DAB1: variants seen among roughly 807,000 people sequenced by gnomAD.
The protein encoded by DAB1 is DAB adaptor protein 1, also known as disabled homolog 1.
Under a neutral mutation model 64.6 loss-of-function variants are expected in DAB1, and 15 were observed. The observed-to-expected ratio is 0.23, with a 90% CI of 0.16 to 0.36. DAB1 has a LOEUF of 0.36. Among genes scored for constraint, DAB1 ranks in the 10% least tolerant of loss-of-function variants. DAB1 has a pLI of 1.00. For synonymous variants in DAB1, 235 were observed against 251.9 expected, an observed-to-expected ratio of 0.93 and a Z score of 0.64; for missense variants, 596 against 706.7, an observed-to-expected ratio of 0.84 and a Z score of 1.78.
At chr1:58,089,521 T>C (rs1650513880) in intron 5 of DAB1, among the ~76,000 whole-genome samples, 1 of 152,212 alleles carries the variant, frequency 6.6e-6, no homozygotes. Flanking sequence ...GTTTTCAATA[T>C]TCTCTATTAG....
intron 8 of DAB1, among the ~76,000 whole-genome samples, chr1:57,067,136 T>C (rs1650994923): frequency 6.6e-6 from 1 of 152,158 alleles, no homozygotes; most frequent in Non-Finnish European, 1.5e-5. Context: ...GAGAAGAGAA[T>C]GACCAAAGGC....
intron 4 of DAB1, 46 bp downstream of exon 4, chr1:57,136,497 T>C (rs1658113957): frequency 1.7e-6 from 2 of 1,162,086 alleles, no homozygotes; most frequent in Non-Finnish European, 2.4e-6. Context: ...AGGGTACATC[T>C]GTCAATGGAT....
At chr1:57,565,171 C>G (rs926564140) in intron 7 of DAB1, among the ~76,000 whole-genome samples, 1 of 152,134 alleles carries the variant, frequency 6.6e-6, no homozygotes, top group African/African-American at 2.4e-5. Flanking sequence ...TCCAGTGAAA[C>G]TAAGCTTCAT....
chr1:58,151,677 T>G (rs1654946611), intron 4 of DAB1, among the ~76,000 whole-genome samples: 1 of 152,242 alleles, frequency 6.6e-6, no homozygotes, highest in African/African-American at 2.4e-5. Context: ...TTCATTCTTT[T>G]GTGCATTCAT....
intron 4 of DAB1, among the ~76,000 whole-genome samples, chr1:57,122,767 G>C (rs1219674007): frequency 6.6e-6 from 1 of 152,144 alleles, no homozygotes; most frequent in Admixed American, 6.6e-5. Context: ...TTACTAGAAT[G>C]AAGAACAAGG....
At chr1:57,703,929 C>A (rs907747435) in intron 6 of DAB1, among the ~76,000 whole-genome samples, 1 of 152,076 alleles carries the variant, frequency 6.6e-6, no homozygotes, top group South Asian at 2.1e-4. Flanking sequence ...AGCAAACTAA[C>A]ACAGGAACAG....
rs1352728052 is a variant in DAB1, at chr1:58,300,641, AGAGAGAGG to A, written n.309+42703_309+42710del. Among the ~76,000 whole-genome samples, 566 of 58,050 alleles carry A rather than the reference AGAGAGAGG, an allele frequency of 9.8e-3. 20 individuals carry two copies. Among genetic ancestry groups the A allele is most frequent in the East Asian group, 0.017 (23 of 1,374 alleles). 38.1% of individuals were successfully genotyped at this position (58,050 alleles called of 152,430 possible). A position where few individuals can be genotyped will look rare whatever the true frequency, so the allele number is the denominator to read the frequency against. ...GAGAGAGAGAGAGAGAGAGAGAGAG[AGAGAGAGG>A]AAGGAAGGAAGGAAGGAAGGAAGGA... On this transcript the variant is annotated intron_variant and non_coding_transcript_variant, in intron 4 of 20. Transcript: ENST00000485760.
chr1:58,048,146 C>T, intron 5 of DAB1: 1 of 1,250,042 alleles, frequency 8.0e-7, no homozygotes. Flanking sequence ...TTCTCTGGCT[C>T]TTCTCTCCTG....
chr1:57,168,396 C>T (rs1661406191), intron 2 of DAB1, among the ~76,000 whole-genome samples: 1 of 152,146 alleles, frequency 6.6e-6, no homozygotes, highest in South Asian at 2.1e-4. Context: ...GGAATGACAC[C>T]TCATTTCTTT....
chr1:57,439,435 T>TTTTTTTTTTTTTTTTTTTTTTTC (rs1685843005), intron 7 of DAB1, among the ~76,000 whole-genome samples: 1 of 135,320 alleles, frequency 7.4e-6, no homozygotes, highest in African/African-American at 2.9e-5. Flanking sequence ...CTTTTTTTTT[T>TTTTTTTTTTTTTTTTTTTTTTTC]TTTTTTTTTT....
intron 5 of DAB1, among the ~76,000 whole-genome samples, chr1:58,079,515 C>CTTTTTT (rs66960756): frequency 3.5e-4 from 24 of 67,836 alleles, no homozygotes; most frequent in East Asian, 1.6e-3. Flanking sequence ...AGCATACCAT[C>CTTTTTT]TTTTTTTTTT....
At chr1:58,094,789 T>C (rs1305853256) in intron 5 of DAB1, among the ~76,000 whole-genome samples, 1 of 152,178 alleles carries the variant, frequency 6.6e-6, no homozygotes, top group Non-Finnish European at 1.5e-5. Context: ...AACTTTAAGG[T>C]GCATCTAAAG....
At chr1:57,540,889 A>G (rs1644793762) in intron 7 of DAB1, among the ~76,000 whole-genome samples, 1 of 152,186 alleles carries the variant, frequency 6.6e-6, no homozygotes, top group Non-Finnish European at 1.5e-5. Context: ...ACAGAAGGAA[A>G]AAGTCCTAAT....
chr1:57,782,851 G>C (rs147103154), intron 6 of DAB1, among the ~76,000 whole-genome samples: 1 of 152,058 alleles, frequency 6.6e-6, no homozygotes, highest in Non-Finnish European at 1.5e-5. Flanking sequence ...ATTTATTTTC[G>C]TTTGAAGCTT....
chr1:57,516,404 T>G (rs1186326695), intron 7 of DAB1, among the ~76,000 whole-genome samples: 1 of 152,228 alleles, frequency 6.6e-6, no homozygotes, highest in Non-Finnish European at 1.5e-5. Context: ...GAGACTTTCT[T>G]GAATCTCGAA....
At chr1:57,773,117 A>T (rs192965570) in intron 6 of DAB1, among the ~76,000 whole-genome samples, 1 of 152,044 alleles carries the variant, frequency 6.6e-6, no homozygotes, top group Non-Finnish European at 1.5e-5. Context: ...CTGATACCTT[A>T]ATTTCAGACT....
intron 7 of DAB1, among the ~76,000 whole-genome samples, chr1:57,584,793 C>G (rs1004784914): frequency 1.3e-5 from 2 of 152,176 alleles, no homozygotes; most frequent in Non-Finnish European, 2.9e-5. Flanking sequence ...TCCCCTAATA[C>G]CTGTATGGAT....
intron 4 of DAB1, among the ~76,000 whole-genome samples, chr1:58,296,185 GAGAAAGAAAGAGAAAGAA>G (rs1181168461): frequency 8.4e-4 from 91 of 108,148 alleles, no homozygotes; most frequent in African/African-American, 2.2e-3. Flanking sequence ...AAGAAAGAAA[GAGAAAGAAAGAGAAAGAA>G]AGAAAGAAAG....
At chr1:57,334,767 A>G in intron 1 of DAB1, among the ~76,000 whole-genome samples, 1 of 152,216 alleles carries the variant, frequency 6.6e-6, no homozygotes, top group South Asian at 2.1e-4. Flanking sequence ...ACAGATGAGG[A>G]AACTGAGGCA....
Sources: gnomAD v4.1 joint callset for allele counts (sites outside exome capture counted in the v4.1 genomes callset) on GRCh38, gnomAD v4.1.1 for gene constraint, MANE v1.5 for transcripts, NCBI Gene and HGNC (gene_info 2026-07-23, HGNC 2026-07-21) for gene names.